NSMCE2: variants seen among roughly 807,000 people sequenced by gnomAD.
NSMCE2 encodes E3 SUMO-protein ligase NSE2.
NSMCE2 carries 24 observed loss-of-function variants against 23.8 expected under a neutral mutation model. The observed-to-expected ratio is 1.01, with a 90% CI of 0.73 to 1.42. NSMCE2 has a LOEUF of 1.42. NSMCE2 is among the 40% of genes most tolerant of loss of function. The pLI is 0.00. For missense variants in NSMCE2, 284 were observed against 296.5 expected (o/e 0.96, Z 0.31); for synonymous variants, 92 against 94.1 (o/e 0.98, Z 0.13).
chr8:125,351,877 A>G (rs967298711), intron 5 of NSMCE2, among the ~76,000 whole-genome samples: 1 of 151,990 alleles, frequency 6.6e-6, no homozygotes, highest in African/African-American at 2.4e-5. Flanking sequence ...ACCAGGCATG[A>G]TGGTGGGTGC....
intron 5 of NSMCE2, among the ~76,000 whole-genome samples, chr8:125,297,906 A>T (rs1828392474): frequency 6.6e-6 from 1 of 152,182 alleles, no homozygotes; most frequent in South Asian, 2.1e-4. Flanking sequence ...GAATACATAC[A>T]CTTCATAATA....
intron 5 of NSMCE2, among the ~76,000 whole-genome samples, chr8:125,354,340 T>C (rs1220457449): frequency 1.3e-5 from 2 of 152,232 alleles, no homozygotes; most frequent in African/African-American, 2.4e-5. Context: ...GCAATTATCT[T>C]ACCATACTGG....
At chr8:125,150,344 AC>A (rs1820927027) in intron 3 of NSMCE2, among the ~76,000 whole-genome samples, 1 of 141,688 alleles carries the variant, frequency 7.1e-6, no homozygotes, top group Non-Finnish European at 1.6e-5. Context: ...TTACCTTGTG[AC>A]TCTTGTTTTT....
rs1295289877 is a variant in NSMCE2 at position 125,129,014 on chromosome 8, G to A, written c.158-22157G>A. 2.6e-5 allele frequency among the ~76,000 whole-genome samples: 4 copies of A among 152,154 alleles called. No homozygotes were observed. The East Asian group carries it at 7.7e-4, about 29-fold the overall frequency. ...ATCTCCTCACAGCAGATAAGAACAC[G>A]TTTTACAGAGGAAATAAATTTAGTT... On this transcript the variant is annotated intron_variant, in intron 3 of 7. Coordinates refer to ENST00000287437, the MANE Select transcript of NSMCE2 (RefSeq NM_173685.4).
intron 5 of NSMCE2, among the ~76,000 whole-genome samples, chr8:125,206,861 C>A (rs1197648666): frequency 6.6e-6 from 1 of 150,544 alleles, no homozygotes; most frequent in African/African-American, 2.5e-5. Context: ...ATAGTTGGAG[C>A]TCTAGGAGTG....
intron 5 of NSMCE2, among the ~76,000 whole-genome samples, chr8:125,352,510 G>A (rs1370796373): frequency 1.3e-5 from 2 of 151,686 alleles, no homozygotes; most frequent in East Asian, 3.9e-4. Context: ...GAGCAGAGGA[G>A]CTCCCAGAAC....
At chr8:125,167,726 G>A (rs1821964378) in intron 4 of NSMCE2, among the ~76,000 whole-genome samples, 2 of 151,598 alleles carry the variant, frequency 1.3e-5, no homozygotes, top group African/African-American at 4.8e-5. Context: ...GACTTGGGGG[G>A]AAAAATCAGT....
chr8:125,330,014 T>C (rs1829811887), intron 5 of NSMCE2, among the ~76,000 whole-genome samples: 1 of 151,928 alleles, frequency 6.6e-6, no homozygotes, highest in South Asian at 2.1e-4. Context: ...ACCCTGAGGT[T>C]GGGAGTTAAA....
At chr8:125,340,020 T>TTG (rs1009727892) in intron 5 of NSMCE2, among the ~76,000 whole-genome samples, 5 of 142,758 alleles carry the variant, frequency 3.5e-5, no homozygotes, top group East Asian at 2.0e-4. Context: ...TTGTTTTTTT[T>TTG]TTTTTTTTTT....
chr8:125,256,532 G>A (rs1392523044), intron 5 of NSMCE2, among the ~76,000 whole-genome samples: 1 of 152,120 alleles, frequency 6.6e-6, no homozygotes, highest in Admixed American at 6.5e-5. Flanking sequence ...AATTAAAGGA[G>A]ATTTAAGCTG....
intron 5 of NSMCE2, among the ~76,000 whole-genome samples, chr8:125,190,357 A>G (rs1265126049): frequency 1.3e-5 from 2 of 152,148 alleles, no homozygotes; most frequent in African/African-American, 4.8e-5. Context: ...CAGAGAGATC[A>G]AGTGACATGC....
chr8:125,138,240 T>C (rs1563673372), intron 3 of NSMCE2, among the ~76,000 whole-genome samples: 2 of 152,324 alleles, frequency 1.3e-5, no homozygotes, highest in South Asian at 4.1e-4. Flanking sequence ...TTTTCTCTTT[T>C]AGAGACCTGG....
chr8:125,246,220 A>G (rs201726287), intron 5 of NSMCE2, among the ~76,000 whole-genome samples: 9 of 150,372 alleles, frequency 6.0e-5, no homozygotes, highest in South Asian at 2.1e-4. Context: ...CACTCACTCT[A>G]TCACCCAGGC....
chr8:125,207,972 C>T (rs989958884), intron 5 of NSMCE2, among the ~76,000 whole-genome samples: 2 of 152,160 alleles, frequency 1.3e-5, no homozygotes, highest in Non-Finnish European at 2.9e-5. Context: ...TACAAGGCAG[C>T]CCAGATTCTA....
intron 5 of NSMCE2, among the ~76,000 whole-genome samples, chr8:125,240,713 TA>T (rs1420411453): frequency 2.0e-5 from 3 of 149,078 alleles, no homozygotes; most frequent in East Asian, 3.9e-4. Context: ...GTGTAATGGT[TA>T]TTTTTTTTTT....
rs571181515 is a variant in NSMCE2 at position 125,364,038 on chromosome 8, G to A, written c.627-2730G>A. Among the ~76,000 whole-genome samples, 209 of 152,162 alleles carry A rather than the reference G, an allele frequency of 1.4e-3. 3 individuals carry two copies. The highest frequency in any genetic ancestry group is 3.4e-3 in the Middle Eastern group (1 of 294). On this transcript the variant is annotated intron_variant, in intron 7 of 7. Coordinates refer to ENST00000287437, the MANE Select transcript of NSMCE2 (RefSeq NM_173685.4). ...GGCTCACCGCAACCCCCACCTCCTG[G>A]ATTCAAGTGATTTTCCTGCCTCAGC...
At chr8:125,165,888 G>C (rs931462764) in intron 4 of NSMCE2, among the ~76,000 whole-genome samples, 10 of 152,142 alleles carry the variant, frequency 6.6e-5, no homozygotes, top group African/African-American at 2.4e-4. Context: ...AAATCTCAGG[G>C]AGCCATATTA....
intron 5 of NSMCE2, among the ~76,000 whole-genome samples, chr8:125,252,818 T>C (rs1826251931): frequency 6.6e-6 from 1 of 152,268 alleles, no homozygotes. Context: ...AAATGAATGG[T>C]TATCTGTTAG....
chr8:125,303,786 C>T (rs1257187258), intron 5 of NSMCE2, among the ~76,000 whole-genome samples: 1 of 152,148 alleles, frequency 6.6e-6, no homozygotes, highest in Non-Finnish European at 1.5e-5. Context: ...ATGAATGATT[C>T]CCTCAGTTGC....
Sources: gnomAD v4.1 joint callset for allele counts (sites outside exome capture counted in the v4.1 genomes callset) on GRCh38, gnomAD v4.1.1 for gene constraint, MANE v1.5 for transcripts, NCBI Gene and HGNC (gene_info 2026-07-23, HGNC 2026-07-21) for gene names.